EME2: variants seen among roughly 807,000 people sequenced by gnomAD.
EME2 encodes essential meiotic structure-specific endonuclease subunit 2.
EME2 carries 58 observed loss-of-function variants against 41.9 expected under a neutral mutation model. The ratio of observed to expected loss-of-function variants is 1.38; its 90% CI spans 1.12 to 1.72. The LOEUF (loss-of-function observed/expected upper bound fraction) is 1.72, where lower values mean the gene tolerates loss of function less well. Among genes scored for constraint, EME2 ranks in the 40% most tolerant of loss-of-function variants. EME2 has a pLI of 0.00. For synonymous variants in EME2, 334 were observed against 239.3 expected (o/e 1.40, Z -3.65); for missense variants, 695 against 541.9 (o/e 1.28, Z -2.81).
Position 1,773,841 on chromosome 16 carries a change from C to A in EME2, c.384C>A (p.Ser128Arg), listed in dbSNP as rs2141981171. Reference protein sequence around the residue: ...TRASPDPCPRSLPPEVWAAGE... With the variant: ...TRASPDPCPRRLPPEVWAAGE... ...CGAGTCCCGACCCCTGCCCCCGCAG[C>A]GTGAGTGGTCGCGGGTTCCCGAGGG... Residue 128 changes from serine (S) to arginine (R), a missense_variant and splice_region_variant, in exon 2 of 8, where the codon AGC becomes AGA. Physicochemically the swap from Ser to Arg is moderately radical, Grantham distance 110 (BLOSUM62 -1). Coordinates refer to ENST00000568449, the MANE Select transcript of EME2 (RefSeq NM_001257370.2). 2 of 1,539,818 alleles carry A rather than the reference C, an allele frequency of 1.3e-6. No individual in the cohort carries two copies. Among genetic ancestry groups the A allele is most frequent in the Non-Finnish European group, 1.7e-6 (2 of 1,147,926 alleles).
In EME2 at chr16:1,772,883, C is replaced by T. The variant is rs2042643908; in HGVS notation, c.-345C>T. 8 of 1,451,692 alleles carry T rather than the reference C, an allele frequency of 5.5e-6. No individual in the cohort carries two copies. Among genetic ancestry groups the T allele is most frequent in the East Asian group, 5.2e-5 (2 of 38,574 alleles). The allele number at this position is 1,451,692 out of a possible 1,614,324, so 89.9% of individuals were successfully genotyped here. A position where few individuals can be genotyped will look rare whatever the true frequency, so the allele number is the denominator to read the frequency against. ...GCCACAGCCAGGACTTGCGCGTGAC[C>T]AGGCGGCCCAGGCCGAAGAGCGGGA... is the stretch of plus-strand genomic sequence containing the variant. On this transcript the variant is annotated 5_prime_UTR_variant, in exon 1 of 8. Transcript: ENST00000568449.
chr16:1,776,134 A>G lies in EME2; in HGVS notation c.1036A>G (p.Ser346Gly), dbSNP rs2042709345. ...GLLADLPVPP[S>G]EGGRPRRVGP... is the part of the protein sequence containing the mutation. ...CCTGGCCGACCTTCCTGTGCCGCCC[A>G]GTGAAGGCGGGCGTCCCCGCAGGGT... is the stretch of plus-strand genomic sequence containing the variant. Residue 346 changes from serine (S) to glycine (G), a missense_variant, in exon 8 of 8, where the codon AGT (serine) becomes GGT (glycine). By Grantham distance (56) the Ser-to-Gly change is moderately conservative (BLOSUM62 0). Coordinates refer to ENST00000568449, the MANE Select transcript of EME2 (RefSeq NM_001257370.2). 3.1e-6 allele frequency: 5 copies of G among 1,612,236 alleles called. No individual in the cohort carries two copies. The highest frequency in any genetic ancestry group is 1.1e-5 in the South Asian group (1 of 91,072).
rs747846198 is a variant in EME2 at position 1,776,179 on chromosome 16, C to T, written c.1081C>T (p.Arg361Cys). The T allele has an allele frequency of 1.6e-5, 26 of 1,612,500 alleles. No homozygotes were observed. Among genetic ancestry groups the T allele is most frequent in the African/African-American group, 2.7e-5 (2 of 74,950 alleles). The change falls in exon 8 of 8, where the codon CGC (arginine) becomes TGC (cysteine). Residue 361 changes from arginine (R) to cysteine (C), a missense_variant. By Grantham distance (180) the Arg-to-Cys change is radical. Transcript: ENST00000568449. ...PRRVGPDLSR[R>C]ICLFLTTANP... Reference sequence around the variant, plus strand: ...CAGGGTGGGGCCTGACCTCTCCCGCCGCATCTGCCTCTTCCTGACCACAGC... The same window carrying T: ...CAGGGTGGGGCCTGACCTCTCCCGCTGCATCTGCCTCTTCCTGACCACAGC...
rs1480463812 is a variant in EME2, at chr16:1,779,807, G to GCACGCCTGCATCCCACAGC, written c.*3574_*3592dup. 6.6e-6 allele frequency: 1 copy of GCACGCCTGCATCCCACAGC among 152,230 alleles called. No individual in the cohort carries two copies. Among genetic ancestry groups the GCACGCCTGCATCCCACAGC allele is most frequent in the Non-Finnish European group, 1.5e-5 (1 of 68,052 alleles). The allele number at this position is 152,230 out of a possible 1,614,324, so 9.4% of individuals were successfully genotyped here. On this transcript the variant is annotated 3_prime_UTR_variant, in exon 8 of 8. Transcript: ENST00000568449. ...GTGTCGAACACTGCCGAGCCCGCAG[G>GCACGCCTGCATCCCACAGC]CACGCCTGCATCCCACAGCCACGAG...
intron 3 of EME2, 48 bp downstream of exon 3, chr16:1,774,400 T>A: frequency 6.5e-7 from 1 of 1,534,656 alleles, no homozygotes; most frequent in South Asian, 1.1e-5. Context: ...AGGGGTGGGT[T>A]CCCAGCCGGG....
At position 1,773,812 on chromosome 16, in the gene EME2, C is replaced by G; in HGVS notation, c.355C>G (p.Arg119Gly). Residue 119 changes from arginine (R) to glycine (G), a missense_variant, in exon 2 of 8, where the codon CGA (arginine) becomes GGA (glycine). Transcript: ENST00000568449. ...CCCGGCCCGCAGCCTGCGGTGGACC[C>G]GAGCGAGTCCCGACCCCTGCCCCCG... is the stretch of plus-strand genomic sequence containing the variant. ...QRPARSLRWT[R>G]ASPDPCPRSL... 3 of 1,557,014 alleles carry G rather than the reference C, an allele frequency of 1.9e-6. No individual in the cohort carries two copies. The highest frequency in any genetic ancestry group is 1.7e-6 in the Non-Finnish European group (2 of 1,153,380).
In EME2 at chr16:1,781,120, A is replaced by G. The variant is rs1175635035; in HGVS notation, c.*4882A>G. 6.9e-7 allele frequency: 1 copy of G among 1,453,916 alleles called. No individual in the cohort carries two copies. The highest frequency in any genetic ancestry group is 9.2e-7 in the Non-Finnish European group (1 of 1,088,102). 90.1% of individuals were successfully genotyped at this position (1,453,916 alleles called of 1,614,324 possible). A position where few individuals can be genotyped will look rare whatever the true frequency, so the allele number is the denominator to read the frequency against. On this transcript the variant is annotated 3_prime_UTR_variant, in exon 8 of 8. Coordinates refer to ENST00000568449, the MANE Select transcript of EME2 (RefSeq NM_001257370.2). ...TGTTTCAGAGGAGAAAGCACAGTGA[A>G]GAATGCAGTGTGTTCTGAGGTCCTG...
At position 1,775,697 on chromosome 16, in the gene EME2, A is replaced by T. The variant is rs2042700622; in HGVS notation, c.779+13A>T. 1 of 1,612,872 alleles carries T rather than the reference A, an allele frequency of 6.2e-7. No individual in the cohort carries two copies. Among genetic ancestry groups the T allele is most frequent in the East Asian group, 2.2e-5 (1 of 44,890 alleles). ...AGTATCCCCTCAAGTGCGTGATGCC[A>T]AGGCTGAAGGGGGGCAGGATCACCT... On this transcript the variant is annotated intron_variant, in intron 6 of 7. Coordinates refer to ENST00000568449, the MANE Select transcript of EME2 (RefSeq NM_001257370.2).
In EME2 at chr16:1,777,860, T is replaced by C; in HGVS notation, c.*1622T>C. 6.2e-7 allele frequency: 1 copy of C among 1,612,420 alleles called. No homozygotes were observed. Among genetic ancestry groups the C allele is most frequent in the Non-Finnish European group, 8.5e-7 (1 of 1,179,746 alleles). ...TGAGAAGCTGGTCTTGTCGCCCTTG[T>C]GGTGGAGGAGGCCTGGGGGCAGCCA... On this transcript the variant is annotated 3_prime_UTR_variant, in exon 8 of 8. Coordinates refer to ENST00000568449, the MANE Select transcript of EME2 (RefSeq NM_001257370.2).
At position 1,774,174 on chromosome 16, in the gene EME2, A is replaced by G. The variant is rs1036678005; in HGVS notation, c.385-86A>G. 1.1e-5 allele frequency: 13 copies of G among 1,214,880 alleles called. No homozygotes were observed. The African/African-American group carries it at 1.8e-4, about 17-fold the overall frequency. The allele number at this position is 1,214,880 out of a possible 1,614,324, so 75.3% of individuals were successfully genotyped here. A position where few individuals can be genotyped will look rare whatever the true frequency, so the allele number is the denominator to read the frequency against. ...GGCCTGGGCTTGGCTGGGGCCACGA[A>G]CCGCTTTGCTGCTGGACTGCCCAGG... On this transcript the variant is annotated intron_variant, in intron 2 of 7. Coordinates refer to ENST00000568449, the MANE Select transcript of EME2 (RefSeq NM_001257370.2).
chr16:1,775,569 G>A lies in EME2; in HGVS notation c.664G>A (p.Ala222Thr), dbSNP rs776221524. The A allele has an allele frequency of 1.9e-6, 3 of 1,612,832 alleles. No individual in the cohort carries two copies. Among genetic ancestry groups the A allele is most frequent in the South Asian group, 2.2e-5 (2 of 91,084 alleles). Residue 222 changes from alanine (A) to threonine (T), a missense_variant and splice_region_variant, in exon 6 of 8, where the codon GCC becomes ACC. Ala to Thr is a moderately conservative substitution (Grantham distance 58, BLOSUM62 0). Transcript: ENST00000568449. ...VAVSWPEVEE[A>T]LVLLQLWANL... ...GCCCATCAGCTTGCCTCCTCCCCAG[G>A]CCCTGGTACTCCTGCAGCTCTGGGC... is the stretch of plus-strand genomic sequence containing the variant.
At position 1,775,384 on chromosome 16, in the gene EME2, C is replaced by G; in HGVS notation, c.639C>G (p.Ala213=). Residue 213 remains alanine, a synonymous_variant, in exon 5 of 8, where the codon GCC becomes GCG. Transcript: ENST00000568449. ...ESPKVAGAEV[A]VSWPEVEEAL... is the part of the protein sequence containing the mutation. ...CGAAGGTGGCCGGTGCCGAGGTGGCCGTCAGCTGGCCGGAGGTGGAAGAGG... is the reference window on the plus strand; with the variant it reads ...CGAAGGTGGCCGGTGCCGAGGTGGCGGTCAGCTGGCCGGAGGTGGAAGAGG... 1 of 1,612,412 alleles carries G rather than the reference C, an allele frequency of 6.2e-7. No individual in the cohort carries two copies. Among genetic ancestry groups the G allele is most frequent in the Non-Finnish European group, 8.5e-7 (1 of 1,179,870 alleles).
At position 1,780,412 on chromosome 16, in the gene EME2, C is replaced by T. The variant is rs1040574136; in HGVS notation, c.*4174C>T. 3 of 152,332 alleles carry T rather than the reference C, an allele frequency of 2.0e-5. No individual in the cohort carries two copies. The highest frequency in any genetic ancestry group is 7.2e-5 in the African/African-American group (3 of 41,470). The allele number at this position is 152,332 out of a possible 1,614,324, so 9.4% of individuals were successfully genotyped here. A position where few individuals can be genotyped will look rare whatever the true frequency, so the allele number is the denominator to read the frequency against. On this transcript the variant is annotated 3_prime_UTR_variant, in exon 8 of 8. Transcript: ENST00000568449. ...GCCCGTCAGGCCAGGCAGCTGCCCT[C>T]AGGGTCTGCCAAGGTGGGGGTCAGG...
rs777468581 is a variant in EME2 at position 1,775,194 on chromosome 16, C to T, written c.569+62C>T. On this transcript the variant is annotated intron_variant, in intron 4 of 7. Coordinates refer to ENST00000568449, the MANE Select transcript of EME2 (RefSeq NM_001257370.2). ...GGGACGGGGGTTCAGGGGAGGTGGG[C>T]ACACTTCTGGGGTTGCTGTGGCACA... is the stretch of plus-strand genomic sequence containing the variant. 6.3e-6 allele frequency: 10 copies of T among 1,589,956 alleles called. No homozygotes were observed. In the East Asian group the frequency reaches 1.8e-4, roughly 28 times the overall value.
chr16:1,778,583 G>A lies in EME2; in HGVS notation c.*2345G>A. On this transcript the variant is annotated 3_prime_UTR_variant, in exon 8 of 8. Coordinates refer to ENST00000568449, the MANE Select transcript of EME2 (RefSeq NM_001257370.2). The stretch of plus-strand genomic sequence containing the variant: ...TGGGGATGGATGGCGGCAGCGTGGA[G>A]TACTCGGGGTCGGAGTCCGAGTCGC... 1 of 1,584,220 alleles carries A rather than the reference G, an allele frequency of 6.3e-7. No individual in the cohort carries two copies. The highest frequency in any genetic ancestry group is 8.6e-7 in the Non-Finnish European group (1 of 1,161,450).
In EME2 at chr16:1,776,480, C is replaced by T. The variant is rs1427603768; in HGVS notation, c.*242C>T. 3 of 412,796 alleles carry T rather than the reference C, an allele frequency of 7.3e-6. No homozygotes were observed. The highest frequency in any genetic ancestry group is 1.2e-5 in the Non-Finnish European group (3 of 240,824). 25.6% of individuals were successfully genotyped at this position (412,796 alleles called of 1,614,324 possible). ...GTGCTGAGTCCTGAACACGTAGGCC[C>T]CAGGGGAGGCCTCAGCAGCAGGGCT... On this transcript the variant is annotated 3_prime_UTR_variant, in exon 8 of 8. Transcript: ENST00000568449.
In EME2 at chr16:1,777,660, A is replaced by G. The variant is rs2042734089; in HGVS notation, c.*1422A>G. 3 of 1,563,624 alleles carry G rather than the reference A, an allele frequency of 1.9e-6. No homozygotes were observed. Among genetic ancestry groups the G allele is most frequent in the Admixed American group, 1.8e-5 (1 of 56,736 alleles). ...GCTTCTGGGAGGAACCCTTTCAGAA[A>G]ACCTCAGTGTCCCCTGGGCTGGGGC... On this transcript the variant is annotated 3_prime_UTR_variant, in exon 8 of 8. Transcript: ENST00000568449.
rs374401684 is a variant in EME2 at position 1,781,319 on chromosome 16, C to A, written c.*5081C>A. ...CTGCCTGCCTAGGGCATCTCCACAC[C>A]TTAGGCCAGCCACGTCCGCCTCGCC... On this transcript the variant is annotated 3_prime_UTR_variant, in exon 8 of 8. Transcript: ENST00000568449. 1.9e-4 allele frequency: 314 copies of A among 1,612,712 alleles called. 1 individual carries two copies. Among genetic ancestry groups the A allele is most frequent in the Non-Finnish European group, 2.6e-4 (301 of 1,179,990 alleles).
chr16:1,773,567 G>T, intron 1 of EME2, 93 bp downstream of exon 1: 2 of 1,514,246 alleles, frequency 1.3e-6, no homozygotes, highest in East Asian at 2.5e-5. Flanking sequence ...CGCGCGTGCC[G>T]AGGGGCCTGG....
Sources: allele counts gnomAD v4.1 joint callset, GRCh38; gene constraint gnomAD v4.1.1; transcripts MANE v1.5; gene names NCBI Gene and HGNC (gene_info 2026-07-23, HGNC 2026-07-21).